The following SLC17A8 variants were observed in gnomAD, a reference collection of about 807,000 sequenced individuals.
SLC17A8 encodes the protein vesicular glutamate transporter 3.
In SLC17A8, 31 loss-of-function variants were observed where a neutral mutation model predicts 58.0. The observed-to-expected ratio is 0.53, with a 90% CI of 0.40 to 0.72. The LOEUF (loss-of-function observed/expected upper bound fraction) is 0.72. Ranked by LOEUF, SLC17A8 falls within the 30% of genes least tolerant of loss-of-function variation. The pLI is 0.00. For synonymous variants in SLC17A8, 228 were observed against 249.0 expected (o/e 0.92, Z 0.79); for missense variants, 655 against 727.8 (o/e 0.90, Z 1.15).
chr12:100,381,104 C>A, intron 2 of SLC17A8, 151 bp downstream of exon 2: 1 of 838,406 alleles, frequency 1.2e-6, no homozygotes, highest in Non-Finnish European at 2.0e-6. Flanking sequence ...CCTCCCATTT[C>A]AGCATCTCAG....
chr12:100,402,582 T>C lies in SLC17A8; in HGVS notation c.904-14T>C. ...TATCTTTACTAAAAATATCATGGTA[T>C]TTTTACTCCCTAGAAATTTAGTACC... On this transcript the variant is annotated splice_polypyrimidine_tract_variant and intron_variant, in intron 7 of 11. Coordinates refer to ENST00000323346, the MANE Select transcript of SLC17A8 (RefSeq NM_139319.3). 1 of 1,613,738 alleles carries C rather than the reference T, an allele frequency of 6.2e-7. No individual in the cohort carries two copies. Among genetic ancestry groups the C allele is most frequent in the Non-Finnish European group, 8.5e-7 (1 of 1,179,820 alleles).
chr12:100,402,773 T>C, intron 8 of SLC17A8, 28 bp downstream of exon 8: 1 of 1,599,770 alleles, frequency 6.3e-7, no homozygotes, highest in Non-Finnish European at 8.5e-7. Context: ...CCAAATATTT[T>C]TGAACTTTAA....
chr12:100,373,388 T>C (rs1430513885), intron 1 of SLC17A8, among the ~76,000 whole-genome samples: 1 of 151,840 alleles, frequency 6.6e-6, no homozygotes, highest in Non-Finnish European at 1.5e-5. Context: ...GCAGGATGAA[T>C]AGATCCTTAA....
At chr12:100,380,604 T>G in intron 1 of SLC17A8, 97 bp from the exon 2 acceptor site, 7 of 1,403,244 alleles carry the variant, frequency 5.0e-6, no homozygotes, top group Non-Finnish European at 6.9e-6. Context: ...TCCTTTTTGT[T>G]TTTCATCTGC....
At chr12:100,360,126 A>G (rs1298795105) in intron 1 of SLC17A8, among the ~76,000 whole-genome samples, 5 of 152,250 alleles carry the variant, frequency 3.3e-5, no homozygotes, top group African/African-American at 7.2e-5. Flanking sequence ...CCTGGAAAAC[A>G]GTCATTGATA....
intron 5 of SLC17A8, among the ~76,000 whole-genome samples, chr12:100,397,124 T>C (rs1383532799): frequency 6.6e-6 from 1 of 152,180 alleles, no homozygotes; most frequent in Non-Finnish European, 1.5e-5. Flanking sequence ...CACCAGCCTC[T>C]TCAGGAGTGA....
intron 9 of SLC17A8, among the ~76,000 whole-genome samples, chr12:100,411,943 GTTTC>G (rs752514533): frequency 1.8e-4 from 27 of 150,960 alleles, no homozygotes; most frequent in Non-Finnish European, 3.1e-4. Context: ...GTTTTTGTTT[GTTTC>G]TTTGTTTGTT....
At chr12:100,363,768 C>T (rs575651206) in intron 1 of SLC17A8, among the ~76,000 whole-genome samples, 1 of 152,204 alleles carries the variant, frequency 6.6e-6, no homozygotes, top group South Asian at 2.1e-4. Flanking sequence ...AGGCCAGGTG[C>T]CATGGCTCAC....
rs188924853 is a variant in SLC17A8 at position 100,376,150 on chromosome 12, G to T, written c.102-4551G>T. Among the ~76,000 whole-genome samples, 405 of 152,260 alleles carry T rather than the reference G, an allele frequency of 2.7e-3. 2 individuals carry two copies. Among genetic ancestry groups the T allele is most frequent in the African/African-American group, 9.2e-3 (382 of 41,560 alleles). On this transcript the variant is annotated intron_variant, in intron 1 of 11. Coordinates refer to ENST00000323346, the MANE Select transcript of SLC17A8 (RefSeq NM_139319.3). Reference sequence around the variant, plus strand: ...AAGAAAGGCCTCAGAAGAAACCAAGGCCTGCTGAAACCTGGATCTCAGATT... The same window carrying T: ...AAGAAAGGCCTCAGAAGAAACCAAGTCCTGCTGAAACCTGGATCTCAGATT...
Position 100,402,340 on chromosome 12 carries a change from G to T in SLC17A8, c.764G>T (p.Gly255Val), listed in dbSNP as rs762308166. ...CCAGCCTTTTCTTTTTTAACTGCAG[G>T]CATGTTTGGGATTATTTGGTACATG... is the stretch of plus-strand genomic sequence containing the variant. ...IGWSSVFYIYGMFGIIWYMFW... is the reference protein window; with the variant it reads ...IGWSSVFYIYVMFGIIWYMFW... Residue 255 changes from glycine (G) to valine (V), a missense_variant and splice_region_variant, in exon 7 of 12, where the codon GGC becomes GTC. Transcript: ENST00000323346. 1 of 1,613,882 alleles carries T rather than the reference G, an allele frequency of 6.2e-7. No individual in the cohort carries two copies. The highest frequency in any genetic ancestry group is 8.5e-7 in the Non-Finnish European group (1 of 1,180,020).
intron 1 of SLC17A8, among the ~76,000 whole-genome samples, chr12:100,367,497 C>T (rs945079682): frequency 6.6e-6 from 1 of 152,140 alleles, no homozygotes; most frequent in Non-Finnish European, 1.5e-5. Context: ...AATAAGGACA[C>T]TCTTGTGGCC....
At chr12:100,364,140 G>T (rs1952503332) in intron 1 of SLC17A8, among the ~76,000 whole-genome samples, 1 of 149,632 alleles carries the variant, frequency 6.7e-6, no homozygotes, top group South Asian at 2.1e-4. Context: ...GCATCCCATT[G>T]TCATGTGCCC....
chr12:100,420,130 G>A lies in SLC17A8; in HGVS notation c.1741G>A (p.Glu581Lys), dbSNP rs866447968. The A allele has an allele frequency of 6.2e-7, 1 of 1,613,654 alleles. No individual in the cohort carries two copies. The highest frequency in any genetic ancestry group is 8.5e-7 in the Non-Finnish European group (1 of 1,179,826). ...GGAAGAGCTGACATCCTACCAGAATGAAGAGAGAAACTTCTCAACTATATC... is the reference window on the plus strand; with the variant it reads ...GGAAGAGCTGACATCCTACCAGAATAAAGAGAGAAACTTCTCAACTATATC... ...DEEELTSYQN[E>K]ERNFSTIS The change falls in exon 12 of 12, where the codon GAA becomes AAA. Residue 581 changes from glutamate (E) to lysine (K), a missense_variant. Glu to Lys is a moderately conservative substitution (Grantham distance 56). Transcript: ENST00000323346.
At chr12:100,357,758 T>C (rs1199428389) in intron 1 of SLC17A8, among the ~76,000 whole-genome samples, 2 of 152,238 alleles carry the variant, frequency 1.3e-5, no homozygotes, top group African/African-American at 4.8e-5. Context: ...ATGATGATAT[T>C]GCATATGGTA....
intron 1 of SLC17A8, among the ~76,000 whole-genome samples, chr12:100,364,125 C>T (rs1371939157): frequency 2.0e-5 from 3 of 148,584 alleles, no homozygotes; most frequent in African/African-American, 7.4e-5. Flanking sequence ...TATGGTGGGG[C>T]TTGTGCATCC....
chr12:100,405,183 C>G (rs1234935107), intron 9 of SLC17A8, among the ~76,000 whole-genome samples: 1 of 152,204 alleles, frequency 6.6e-6, no homozygotes, highest in Non-Finnish European at 1.5e-5. Context: ...CTGCTGGTCC[C>G]AGGCAGGGAT....
In SLC17A8 at chr12:100,393,490, G is replaced by A; in HGVS notation, c.588+7G>A. On this transcript the variant is annotated splice_region_variant and intron_variant, in intron 4 of 11. Coordinates refer to ENST00000323346, the MANE Select transcript of SLC17A8 (RefSeq NM_139319.3). ...TCTGCAAGGTTTAGTGGAGGTAGGAGATACTTTCCTTACAGTTTTTGATAT... is the reference window on the plus strand; with the variant it reads ...TCTGCAAGGTTTAGTGGAGGTAGGAAATACTTTCCTTACAGTTTTTGATAT... 1.3e-6 allele frequency: 2 copies of A among 1,597,678 alleles called. No individual in the cohort carries two copies. Among genetic ancestry groups the A allele is most frequent in the African/African-American group, 1.3e-5 (1 of 74,714 alleles).
chr12:100,378,879 G>C (rs1269585172), intron 1 of SLC17A8, among the ~76,000 whole-genome samples: 1 of 152,140 alleles, frequency 6.6e-6, no homozygotes, highest in Non-Finnish European at 1.5e-5. Context: ...TCCTTCCCTT[G>C]TTCTACCATT....
At chr12:100,400,998 CTTTTTTTTTTT>C in intron 5 of SLC17A8, among the ~76,000 whole-genome samples, 1 of 113,094 alleles carries the variant, frequency 8.8e-6, no homozygotes, top group South Asian at 3.2e-4. Context: ...CACCCCTCAC[CTTTTTTTTTTT>C]TTTTTTTTTT....
Sources: gnomAD v4.1 joint callset for allele counts (sites outside exome capture counted in the v4.1 genomes callset) on GRCh38, gnomAD v4.1.1 for gene constraint, MANE v1.5 for transcripts, NCBI Gene and HGNC (gene_info 2026-07-23, HGNC 2026-07-21) for gene names.